Variants in MCF2L2 observed in about 807,000 individuals in gnomAD.
The protein encoded by MCF2L2 is probable guanine nucleotide exchange factor MCF2L2.
MCF2L2 carries 102 observed loss-of-function variants against 150.2 expected under a neutral mutation model. That is an observed-to-expected ratio of 0.68 (90% CI 0.58 to 0.80). The LOEUF (loss-of-function observed/expected upper bound fraction) is 0.80, where lower values mean the gene tolerates loss of function less well. Among genes scored for constraint, MCF2L2 ranks in the 30% least tolerant of loss-of-function variants. The pLI, the probability that MCF2L2 is intolerant of heterozygous loss-of-function variation, is 0.00. For missense variants in MCF2L2, 1,256 were observed against 1,372.8 expected (o/e 0.91, Z 1.34); for synonymous variants, 465 against 491.3 (o/e 0.95, Z 0.71).
rs1195665370 is a variant in MCF2L2, at chr3:183,178,571, A to C, written c.*809T>G. 2 of 152,192 alleles carry C rather than the reference A, an allele frequency of 1.3e-5. No homozygotes were observed. Among genetic ancestry groups the C allele is most frequent in the Non-Finnish European group, 1.5e-5 (1 of 68,032 alleles). 9.4% of individuals were successfully genotyped at this position (152,192 alleles called of 1,614,324 possible). ...TACATATAAATAACTGAAAATGAAC[A>C]ACTAAATAACTTTGAAAATAAAGTA... is the stretch of plus-strand genomic sequence containing the variant. On this transcript the variant is annotated 3_prime_UTR_variant, in exon 30 of 30. Coordinates refer to ENST00000328913, the MANE Select transcript of MCF2L2 (RefSeq NM_015078.4).
At chr3:183,425,765 C>T (rs1716129529) in intron 1 of MCF2L2, among the ~76,000 whole-genome samples, 1 of 152,090 alleles carries the variant, frequency 6.6e-6, no homozygotes, top group Non-Finnish European at 1.5e-5. Context: ...CCAATCTGAC[C>T]AACATGGAGA....
intron 15 of MCF2L2, among the ~76,000 whole-genome samples, chr3:183,268,913 A>G (rs1726426935): frequency 1.3e-5 from 2 of 152,218 alleles, no homozygotes; most frequent in African/African-American, 4.8e-5. Context: ...AAGTACAGAA[A>G]GAAGGTGGCT....
intron 3 of MCF2L2, chr3:183,372,501 G>A (rs1258190731): frequency 1.3e-5 from 2 of 152,120 alleles, no homozygotes; most frequent in East Asian, 1.9e-4. Context: ...ATCCCAGCCT[G>A]GCCAACATGG....
chr3:183,322,689 T>C (rs1729862039), intron 6 of MCF2L2, among the ~76,000 whole-genome samples: 1 of 152,158 alleles, frequency 6.6e-6, no homozygotes, highest in African/African-American at 2.4e-5. Context: ...GTTACATGGG[T>C]ATATTGCATG....
At chr3:183,281,362 CTTTTTTT>C (rs773642295) in intron 14 of MCF2L2, among the ~76,000 whole-genome samples, 1 of 121,756 alleles carries the variant, frequency 8.2e-6, no homozygotes, top group Non-Finnish European at 1.8e-5. Flanking sequence ...GGAACCTCAC[CTTTTTTT>C]TTTTTTTTTT....
intron 15 of MCF2L2, chr3:183,253,750 G>T (rs1262182492): frequency 6.6e-6 from 1 of 152,422 alleles, no homozygotes; most frequent in Non-Finnish European, 1.5e-5. Context: ...TTCCCTGGGC[G>T]TAGGGCCCGC....
intron 15 of MCF2L2, among the ~76,000 whole-genome samples, chr3:183,242,309 G>C (rs978758494): frequency 1.3e-5 from 2 of 152,206 alleles, no homozygotes; most frequent in Non-Finnish European, 2.9e-5. Context: ...TAATCACCAA[G>C]ACAAAGGGGA....
chr3:183,421,968 T>C (rs1380162006), intron 1 of MCF2L2, among the ~76,000 whole-genome samples: 1 of 152,238 alleles, frequency 6.6e-6, no homozygotes, highest in Non-Finnish European at 1.5e-5. Context: ...TCTCCCTTTC[T>C]GATCTCTCTG....
At chr3:183,328,102 A>C (rs979989382) in intron 5 of MCF2L2, among the ~76,000 whole-genome samples, 1 of 152,180 alleles carries the variant, frequency 6.6e-6, no homozygotes, top group Non-Finnish European at 1.5e-5. Context: ...TAGAACAAGG[A>C]GATTTAAGGA....
Position 183,207,651 on chromosome 3 carries a change from T to C in MCF2L2, c.2669A>G (p.Asp890Gly). 1 of 1,614,164 alleles carries C rather than the reference T, an allele frequency of 6.2e-7. No individual in the cohort carries two copies. The change falls in exon 23 of 30, where the codon GAC becomes GGC. Residue 890 changes from aspartate to glycine, a missense_variant. Asp to Gly is a moderately conservative substitution (Grantham distance 94). Coordinates refer to ENST00000328913, the MANE Select transcript of MCF2L2 (RefSeq NM_015078.4). ...GCTGTAATGAGGAGATAATCCCTGG[T>C]CCCCAGGCTCCATTCGTATCTTACA... ...VFCKIRMEPG[D>G]QGLSPHYSFK...
rs753117281 is a variant in MCF2L2 at position 183,224,227 on chromosome 3, G to A, written c.2116-37C>T. On this transcript the variant is annotated intron_variant, in intron 18 of 29. Transcript: ENST00000328913. ...AAAATTAGAATAAATTAATCAGGCA[G>A]CATTTTTCAGTAAGTGGACAGGATG... 3.0e-6 allele frequency: 4 copies of A among 1,335,428 alleles called. No homozygotes were observed. In the South Asian group the frequency reaches 3.5e-5, roughly 12 times the overall value. 82.7% of individuals were successfully genotyped at this position (1,335,428 alleles called of 1,614,324 possible).
At chr3:183,268,339 G>T (rs969208111) in intron 15 of MCF2L2, among the ~76,000 whole-genome samples, 4 of 152,188 alleles carry the variant, frequency 2.6e-5, no homozygotes, top group African/African-American at 9.7e-5. Context: ...AGTTTGTCTC[G>T]TGGTTAAATC....
Position 183,338,315 on chromosome 3 carries a change from C to T in MCF2L2, c.486+485G>A, listed in dbSNP as rs1172931944. Among the ~76,000 whole-genome samples the T allele has an allele frequency of 5.3e-5, 8 of 151,828 alleles. No individual in the cohort carries two copies. The East Asian group carries it at 9.7e-4, about 18-fold the overall frequency. On this transcript the variant is annotated intron_variant, in intron 5 of 29. Coordinates refer to ENST00000328913, the MANE Select transcript of MCF2L2 (RefSeq NM_015078.4). The stretch of plus-strand genomic sequence containing the variant: ...TACAAAAATTAGCCAAGCATGGTGG[C>T]GCATGCCTATAATCCCAGCTACTTG...
chr3:183,260,980 C>G (rs556445620), intron 15 of MCF2L2, among the ~76,000 whole-genome samples: 1 of 152,310 alleles, frequency 6.6e-6, no homozygotes, highest in African/African-American at 2.4e-5. Flanking sequence ...CACTTGAAGA[C>G]AGCCATTAGG....
At chr3:183,290,396 G>A (rs1437291573) in intron 13 of MCF2L2, among the ~76,000 whole-genome samples, 1 of 152,152 alleles carries the variant, frequency 6.6e-6, no homozygotes, top group Non-Finnish European at 1.5e-5. Context: ...AAGCATTGTG[G>A]GTGATGGCCA....
chr3:183,405,754 TCG>T (rs1715009740), intron 1 of MCF2L2, among the ~76,000 whole-genome samples: 1 of 152,194 alleles, frequency 6.6e-6, no homozygotes, highest in South Asian at 2.1e-4. Context: ...TCTCACTCTG[TCG>T]CCCAGTTGGA....
At position 183,276,856 on chromosome 3, in the gene MCF2L2, G is replaced by A. The variant is rs765104243; in HGVS notation, c.1862+16C>T. The A allele has an allele frequency of 2.0e-5, 32 of 1,594,868 alleles. No individual in the cohort carries two copies. In the East Asian group the frequency reaches 2.9e-4, roughly 15 times the overall value. On this transcript the variant is annotated intron_variant, in intron 15 of 29. Coordinates refer to ENST00000328913, the MANE Select transcript of MCF2L2 (RefSeq NM_015078.4). ...GCACCCCCTCGCCCCCTGCACCCAC[G>A]GATGTGCAGTCTTACCTGCGGGGGG...
intron 14 of MCF2L2, among the ~76,000 whole-genome samples, chr3:183,280,987 A>C (rs539955967): frequency 6.6e-6 from 1 of 152,288 alleles, no homozygotes; most frequent in Non-Finnish European, 1.5e-5. Flanking sequence ...GGAGAGAAAA[A>C]AAAGCAGATT....
intron 15 of MCF2L2, among the ~76,000 whole-genome samples, chr3:183,241,633 TA>T (rs1271925203): frequency 6.6e-6 from 1 of 152,204 alleles, no homozygotes; most frequent in Non-Finnish European, 1.5e-5. Context: ...GTGAGTCCAT[TA>T]AACCTCTTTC....
Sources: allele counts gnomAD v4.1 joint callset (sites outside exome capture counted in the v4.1 genomes callset), GRCh38; gene constraint gnomAD v4.1.1; transcripts MANE v1.5; gene names NCBI Gene and HGNC (gene_info 2026-07-23, HGNC 2026-07-21).